The following SPTLC2 variants were observed in gnomAD, a reference collection of about 807,000 sequenced individuals.
SPTLC2 encodes the protein serine palmitoyltransferase long chain base subunit 2.
SPTLC2 carries 21 observed loss-of-function variants against 62.0 expected under a neutral mutation model. The ratio of observed to expected loss-of-function variants is 0.34; its 90% CI spans 0.24 to 0.49. SPTLC2 has a LOEUF of 0.49. Ranked by LOEUF, SPTLC2 falls within the 20% of genes least tolerant of loss-of-function variation. The pLI is 0.99. For missense variants in SPTLC2, 511 were observed against 713.0 expected (o/e 0.72, Z 3.23); for synonymous variants, 261 against 261.8 (o/e 1.00, Z 0.03).
At chr14:77,612,196 A>G (rs893092870) in intron 1 of SPTLC2, among the ~76,000 whole-genome samples, 1 of 152,224 alleles carries the variant, frequency 6.6e-6, no homozygotes, top group African/African-American at 2.4e-5. Flanking sequence ...CTATTCTACC[A>G]ATAAACACTG....
intron 11 of SPTLC2, among the ~76,000 whole-genome samples, chr14:77,514,087 G>T (rs891273281): frequency 4.6e-5 from 7 of 152,042 alleles, no homozygotes; most frequent in African/African-American, 1.4e-4. Context: ...GGAGGCTGAG[G>T]TGGGACGATC....
chr14:77,529,152 T>C (rs928407677), intron 9 of SPTLC2, among the ~76,000 whole-genome samples: 3 of 152,104 alleles, frequency 2.0e-5, no homozygotes, highest in Non-Finnish European at 4.4e-5. Context: ...TTTTATTATT[T>C]GGAAGTACAC....
intron 7 of SPTLC2, among the ~76,000 whole-genome samples, chr14:77,555,950 T>C (rs138000887): frequency 6.6e-6 from 1 of 152,148 alleles, no homozygotes; most frequent in African/African-American, 2.4e-5. Context: ...GTCTGACAAC[T>C]GTATCTGTGG....
intron 2 of SPTLC2, among the ~76,000 whole-genome samples, chr14:77,594,968 A>AG (rs1406796018): frequency 6.6e-6 from 1 of 152,184 alleles, no homozygotes; most frequent in Non-Finnish European, 1.5e-5. Context: ...TGTACAACCT[A>AG]GGAAGGGTAT....
chr14:77,553,729 C>A (rs1489711576), intron 8 of SPTLC2, among the ~76,000 whole-genome samples: 1,050 of 96,380 alleles, frequency 0.011, no homozygotes, highest in South Asian at 0.014. Context: ...GGCTTGGTCT[C>A]AAAAAAAAAA....
intron 2 of SPTLC2, among the ~76,000 whole-genome samples, chr14:77,579,961 A>T (rs2079738939): frequency 6.6e-6 from 1 of 152,164 alleles, no homozygotes; most frequent in South Asian, 2.1e-4. Flanking sequence ...TCTGTCATTA[A>T]ATGGTTTCCC....
intron 6 of SPTLC2, among the ~76,000 whole-genome samples, chr14:77,560,901 CTA>C (rs2079611416): frequency 1.3e-3 from 3 of 2,234 alleles, no homozygotes; most frequent in Non-Finnish European, 9.9e-3. Flanking sequence ...GTTCGAAAAA[CTA>C]CCTACCTATC....
At chr14:77,545,884 AAGAT>A (rs1332970295) in intron 9 of SPTLC2, among the ~76,000 whole-genome samples, 1 of 152,186 alleles carries the variant, frequency 6.6e-6, no homozygotes, top group African/African-American at 2.4e-5. Flanking sequence ...TTGGAAGAAA[AAGAT>A]AGCAGTGGAA....
intron 9 of SPTLC2, among the ~76,000 whole-genome samples, chr14:77,543,641 C>T (rs1594980326): frequency 6.6e-6 from 1 of 151,920 alleles, no homozygotes; most frequent in African/African-American, 2.4e-5. Context: ...TACAAGCAGC[C>T]CCCCCCAAAA....
chr14:77,520,790 C>T (rs962822019), intron 10 of SPTLC2, among the ~76,000 whole-genome samples: 3 of 152,158 alleles, frequency 2.0e-5, no homozygotes, highest in Admixed American at 6.5e-5. Context: ...GGTAAGTATC[C>T]AATAACACAC....
chr14:77,570,273 T>A, intron 5 of SPTLC2, 111 bp downstream of exon 5: 3 of 1,287,576 alleles, frequency 2.3e-6, no homozygotes, highest in Non-Finnish European at 3.3e-6. Context: ...TATCTTTGGC[T>A]AAACTATGTT....
At chr14:77,604,772 C>G (rs1227871306) in intron 1 of SPTLC2, among the ~76,000 whole-genome samples, 1 of 148,076 alleles carries the variant, frequency 6.8e-6, no homozygotes, top group Non-Finnish European at 1.5e-5. Flanking sequence ...GAGGCTGAGG[C>G]AGGAGAATTG....
chr14:77,535,932 T>C (rs1317727255), intron 9 of SPTLC2: 5 of 455,076 alleles, frequency 1.1e-5, no homozygotes, highest in African/African-American at 2.0e-5. Context: ...GGTGACTAAA[T>C]ACAGGGGATA....
At chr14:77,597,449 C>A (rs923513787) in intron 1 of SPTLC2, 69 bp from the exon 2 acceptor site, 5 of 1,445,182 alleles carry the variant, frequency 3.5e-6, no homozygotes, top group Non-Finnish European at 4.8e-6. Flanking sequence ...AAATCTAGGT[C>A]CTTAGAGATT....
chr14:77,609,335 C>T (rs1226685226), intron 1 of SPTLC2, among the ~76,000 whole-genome samples: 2 of 152,176 alleles, frequency 1.3e-5, no homozygotes, highest in African/African-American at 4.8e-5. Flanking sequence ...ATTAGTACTG[C>T]ATTCCTTCAG....
At position 77,506,898 on chromosome 14, in the gene SPTLC2, A is replaced by G. The variant is rs2079308472; in HGVS notation, c.*5386T>C. The G allele has an allele frequency of 6.6e-6, 1 of 152,258 alleles. No homozygotes were observed. Among genetic ancestry groups the G allele is most frequent in the African/African-American group, 2.4e-5 (1 of 41,464 alleles). 9.4% of individuals were successfully genotyped at this position (152,258 alleles called of 1,614,324 possible). On this transcript the variant is annotated 3_prime_UTR_variant, in exon 12 of 12. Coordinates refer to ENST00000216484, the MANE Select transcript of SPTLC2 (RefSeq NM_004863.4). ...CAGAGCTTTGGGTATTGCTTCATTA[A>G]GAACACAGTAACTGCAGTTTAAAAG...
At chr14:77,582,048 A>C (rs374257063) in intron 2 of SPTLC2, among the ~76,000 whole-genome samples, 5 of 135,276 alleles carry the variant, frequency 3.7e-5, no homozygotes, top group Non-Finnish European at 8.5e-5. Context: ...CTTTTTTTTA[A>C]TTAAAAAAAA....
At chr14:77,605,537 G>T (rs114312614) in intron 1 of SPTLC2, among the ~76,000 whole-genome samples, 1 of 152,296 alleles carries the variant, frequency 6.6e-6, no homozygotes, top group East Asian at 1.9e-4. Flanking sequence ...GGGAGAAGAG[G>T]CCTCTCTAGG....
intron 9 of SPTLC2, among the ~76,000 whole-genome samples, chr14:77,531,475 CCCTCCCCCTCCTCCTCCTCCTCCT>C: frequency 1.1e-5 from 1 of 88,506 alleles, no homozygotes; most frequent in African/African-American, 5.7e-5. Flanking sequence ...CTCCTCCTCC[CCCTCCCCCTCCTCCTCCTCCTCCT>C]CCTCCTCCTC....
Sources: gnomAD v4.1 joint callset for allele counts (sites outside exome capture counted in the v4.1 genomes callset) on GRCh38, gnomAD v4.1.1 for gene constraint, MANE v1.5 for transcripts, NCBI Gene and HGNC (gene_info 2026-07-23, HGNC 2026-07-21) for gene names.